The following CKAP2 variants were observed in gnomAD, a reference collection of about 807,000 sequenced individuals.
The protein encoded by CKAP2 is cytoskeleton associated protein 2.
Under a neutral mutation model 58.4 loss-of-function variants are expected in CKAP2, and 46 were observed. The observed-to-expected ratio is 0.79, with a 90% CI of 0.62 to 1.01. The LOEUF (loss-of-function observed/expected upper bound fraction) is 1.01. Among genes scored for constraint, CKAP2 ranks in the 50% least tolerant of loss-of-function variants. The pLI is 0.00. For missense variants in CKAP2, 809 were observed against 796.4 expected, an observed-to-expected ratio of 1.02 and a Z score of -0.19; for synonymous variants, 293 against 280.9, an observed-to-expected ratio of 1.04 and a Z score of -0.43.
intron 7 of CKAP2, among the ~76,000 whole-genome samples, chr13:52,472,735 A>G (rs935807452): frequency 6.6e-6 from 1 of 152,212 alleles, no homozygotes; most frequent in Non-Finnish European, 1.5e-5. Flanking sequence ...CTACACAGTC[A>G]TGTATTCATT....
At chr13:52,455,694 G>A (rs1226991009) in intron 1 of CKAP2, 68 bp downstream of exon 1, 1 of 1,389,152 alleles carries the variant, frequency 7.2e-7, no homozygotes, top group African/African-American at 1.6e-5. Flanking sequence ...CCGGCGGTCG[G>A]GGCTCGGGGC....
rs1397694476 is a variant in CKAP2, at chr13:52,461,816, T to C, written c.990T>C (p.Asn330=). Residue 330 remains asparagine (N), a synonymous_variant, in exon 4 of 9, where the codon AAT becomes AAC. Transcript: ENST00000258607. ...TAGCCAGGCCTGCTTCATTGTCTAA[T>C]GATAAACTGATGGAAAAGTCAGAGC... is the stretch of plus-strand genomic sequence containing the variant. The part of the protein sequence containing the change: ...EVIARPASLS[N]DKLMEKSEPV... 51 of 1,613,996 alleles carry C rather than the reference T, an allele frequency of 3.2e-5. No individual in the cohort carries two copies. Among genetic ancestry groups the C allele is most frequent in the Non-Finnish European group, 4.2e-5 (49 of 1,179,982 alleles).
At chr13:52,465,773 A>C (rs1461190905) in intron 6 of CKAP2, 1 of 473,672 alleles carries the variant, frequency 2.1e-6, no homozygotes, top group Non-Finnish European at 4.1e-6. Flanking sequence ...TTACTGGGAG[A>C]CTGAATGTAA....
At position 52,462,351 on chromosome 13, in the gene CKAP2, T is replaced by C; in HGVS notation, c.1101-12T>C. ...ATTTCAAAGTAACGTTTATATCTGCTTCTAACTATAGAGCTCGTCTGAGTG... is the reference window on the plus strand; with the variant it reads ...ATTTCAAAGTAACGTTTATATCTGCCTCTAACTATAGAGCTCGTCTGAGTG... On this transcript the variant is annotated splice_polypyrimidine_tract_variant and intron_variant, in intron 4 of 8. Transcript: ENST00000258607. 6.2e-7 allele frequency: 1 copy of C among 1,607,130 alleles called. No homozygotes were observed. The highest frequency in any genetic ancestry group is 8.5e-7 in the Non-Finnish European group (1 of 1,178,278).
Position 52,475,292 on chromosome 13 carries a change from G to A in CKAP2, c.*151G>A, listed in dbSNP as rs1334346073. On this transcript the variant is annotated 3_prime_UTR_variant, in exon 9 of 9. Transcript: ENST00000258607. ...AGTGAGCTCCTTTACTAACATTCATGTTATGGCAAGAGTTGTCCTCTACAT... is the reference window on the plus strand; with the variant it reads ...AGTGAGCTCCTTTACTAACATTCATATTATGGCAAGAGTTGTCCTCTACAT... The A allele has an allele frequency of 7.5e-6, 7 of 935,194 alleles. No individual in the cohort carries two copies. In the Admixed American group the frequency reaches 1.8e-4, roughly 24 times the overall value. The allele number at this position is 935,194 out of a possible 1,614,324, so 57.9% of individuals were successfully genotyped here.
chr13:52,474,672 G>A (rs9536087), intron 8 of CKAP2, among the ~76,000 whole-genome samples: 5,784 of 152,304 alleles, frequency 0.038, 134 homozygotes, highest in South Asian at 0.07. Context: ...GAATTAGCCA[G>A]TTCTACAGAT....
At position 52,462,464 on chromosome 13, in the gene CKAP2, C is replaced by T. The variant is rs1429207042; in HGVS notation, c.1202C>T (p.Pro401Leu). The T allele has an allele frequency of 1.9e-6, 3 of 1,614,020 alleles. No homozygotes were observed. Among genetic ancestry groups the T allele is most frequent in the African/African-American group, 1.3e-5 (1 of 75,042 alleles). Residue 401 changes from proline (P) to leucine (L), a missense_variant, in exon 5 of 9, where the codon CCA (proline) becomes CTA (leucine). Pro to Leu is a moderately conservative substitution (Grantham distance 98). Around this residue, in one of 3 missense-constraint regions of CKAP2, gnomAD observed 523 missense variants for 492.4 expected, o/e 1.06. Coordinates refer to ENST00000258607, the MANE Select transcript of CKAP2 (RefSeq NM_018204.5). ...GAGCCTGCAGGACAAAATGAAAAAC[C>T]AGTTGGGTCTTTTTGGACTACCATG... ...QHEPAGQNEK[P>L]VGSFWTTMAE...
In CKAP2 at chr13:52,461,872, A is replaced by G. The variant is rs762531256; in HGVS notation, c.1046A>G (p.Lys349Arg). 6.2e-7 allele frequency: 1 copy of G among 1,613,932 alleles called. No homozygotes were observed. Among genetic ancestry groups the G allele is most frequent in the Non-Finnish European group, 8.5e-7 (1 of 1,180,002 alleles). Residue 349 changes from lysine to arginine, a missense_variant, in exon 4 of 9, where the codon AAA (lysine) becomes AGA (arginine). Lys to Arg is a conservative substitution (Grantham distance 26). Coordinates refer to ENST00000258607, the MANE Select transcript of CKAP2 (RefSeq NM_018204.5). ...GACCAGCGAAGACATACTGCAGGAA[A>G]AGCAATTGTTGATAGTAGATCAGCT... ...PVDQRRHTAG[K>R]AIVDSRSAQP...
At chr13:52,468,061 A>G (rs538024890) in intron 6 of CKAP2, among the ~76,000 whole-genome samples, 2 of 152,226 alleles carry the variant, frequency 1.3e-5, no homozygotes, top group African/African-American at 4.8e-5. Context: ...CTGCCCGTCT[A>G]GGCCTCCCAA....
chr13:52,459,577 C>G (rs1958538743), intron 2 of CKAP2, among the ~76,000 whole-genome samples: 2 of 152,070 alleles, frequency 1.3e-5, no homozygotes, highest in African/African-American at 2.4e-5. Context: ...CCCACCTTCT[C>G]TACCCAGAGT....
rs1458714760 is a variant in CKAP2, at chr13:52,461,633, A to T, written c.807A>T (p.Gln269His). Residue 269 changes from glutamine to histidine, a missense_variant, in exon 4 of 9, where the codon CAA (glutamine) becomes CAT (histidine). Gln to His is a conservative substitution (Grantham distance 24). Coordinates refer to ENST00000258607, the MANE Select transcript of CKAP2 (RefSeq NM_018204.5). The part of the protein sequence containing the change: ...HHSNTRDTVK[Q>H]GISRTSANVT... ...GTAATACCCGGGACACTGTGAAACAAGGCATCAGTAGAACTTCTGCCAATG... is the reference window on the plus strand; with the variant it reads ...GTAATACCCGGGACACTGTGAAACATGGCATCAGTAGAACTTCTGCCAATG... 6.2e-7 allele frequency: 1 copy of T among 1,614,178 alleles called. No homozygotes were observed.
intron 2 of CKAP2, among the ~76,000 whole-genome samples, chr13:52,458,409 A>G (rs977980958): frequency 1.3e-5 from 2 of 152,236 alleles, no homozygotes; most frequent in African/African-American, 2.4e-5. Context: ...TGAAATTACT[A>G]GGGAATAAGT....
chr13:52,455,756 C>T, intron 1 of CKAP2, 130 bp downstream of exon 1: 5 of 1,092,182 alleles, frequency 4.6e-6, no homozygotes, highest in Non-Finnish European at 6.1e-6. Context: ...CTGAACGCGG[C>T]GTCGGCCTCG....
chr13:52,475,974 G>A lies in CKAP2; in HGVS notation c.*833G>A, dbSNP rs570271514. ...AACAAATGTCATTCTAGTTTAGATA[G>A]CATTTCTAAGATAACTGATACTAAT... is the stretch of plus-strand genomic sequence containing the variant. On this transcript the variant is annotated 3_prime_UTR_variant, in exon 9 of 9. Transcript: ENST00000258607. The A allele has an allele frequency of 6.6e-6, 1 of 152,230 alleles. No homozygotes were observed. Among genetic ancestry groups the A allele is most frequent in the African/African-American group, 2.4e-5 (1 of 41,546 alleles). 9.4% of individuals were successfully genotyped at this position (152,230 alleles called of 1,614,324 possible).
intron 7 of CKAP2, among the ~76,000 whole-genome samples, chr13:52,471,035 G>A (rs140743755): frequency 0.021 from 3,203 of 152,200 alleles, 121 homozygotes; most frequent in African/African-American, 0.074. Flanking sequence ...GCATGTGCCT[G>A]TAATCCCAGC....
At position 52,475,167 on chromosome 13, in the gene CKAP2, G is replaced by A. The variant is rs1594146957; in HGVS notation, c.*26G>A. The A allele has an allele frequency of 6.2e-7, 1 of 1,602,042 alleles. No individual in the cohort carries two copies. The highest frequency in any genetic ancestry group is 1.3e-5 in the African/African-American group (1 of 74,368). On this transcript the variant is annotated 3_prime_UTR_variant, in exon 9 of 9. Coordinates refer to ENST00000258607, the MANE Select transcript of CKAP2 (RefSeq NM_018204.5). The stretch of plus-strand genomic sequence containing the variant: ...GAGAAATAAAGCTCTGTTAGGGAAT[G>A]GGGTTTTTATTATTTGTGGGGTGTT...
intron 2 of CKAP2, among the ~76,000 whole-genome samples, chr13:52,457,718 G>A (rs1958509014): frequency 6.6e-6 from 1 of 152,172 alleles, no homozygotes; most frequent in Admixed American, 6.5e-5. Context: ...GCCAGGCATG[G>A]TGGTGGGTGC....
chr13:52,471,377 A>AG (rs772447511), intron 7 of CKAP2, among the ~76,000 whole-genome samples: 12 of 152,194 alleles, frequency 7.9e-5, no homozygotes, highest in Non-Finnish European at 1.6e-4. Flanking sequence ...AGATGGGGGA[A>AG]GGAGGTATCC....
At chr13:52,456,038 ATG>A in intron 1 of CKAP2, 1 of 1,039,276 alleles carries the variant, frequency 9.6e-7, no homozygotes, top group Non-Finnish European at 1.2e-6. Context: ...GGGTCGCATC[ATG>A]TGTTATTTCC....
Sources: gnomAD v4.1 joint callset for allele counts (sites outside exome capture counted in the v4.1 genomes callset) on GRCh38, gnomAD v4.1.1 for gene constraint, gnomAD v4.1.1 regional missense constraint, MANE v1.5 for transcripts, NCBI Gene and HGNC (gene_info 2026-07-23, HGNC 2026-07-21) for gene names.